The following PDS5A variants were observed in gnomAD, a reference collection of about 807,000 sequenced individuals.
PDS5A encodes the protein PDS5 cohesin associated factor A, also known as sister chromatid cohesion protein PDS5 homolog A.
PDS5A carries 42 observed loss-of-function variants against 167.1 expected under a neutral mutation model. That is an observed-to-expected ratio of 0.25 (90% confidence interval 0.20 to 0.33). PDS5A has a LOEUF of 0.33. Among genes scored for constraint, PDS5A ranks in the 10% least tolerant of loss-of-function variants. The pLI, the probability that PDS5A is intolerant of heterozygous loss-of-function variation, is 1.00. For synonymous variants in PDS5A, 553 were observed against 554.6 expected, an observed-to-expected ratio of 1.00 and a Z score of 0.04; for missense variants, 1,033 against 1,605.9, an observed-to-expected ratio of 0.64 and a Z score of 6.10.
At chr4:39,967,578 C>T (rs751072855) in intron 2 of PDS5A, among the ~76,000 whole-genome samples, 1 of 151,442 alleles carries the variant, frequency 6.6e-6, no homozygotes, top group East Asian at 1.9e-4. Flanking sequence ...ACTCAGGAGG[C>T]GGAAGTTGCA....
intron 21 of PDS5A, among the ~76,000 whole-genome samples, chr4:39,871,635 A>G (rs1326959750): frequency 6.6e-6 from 1 of 152,254 alleles, no homozygotes; most frequent in African/African-American, 2.4e-5. Context: ...ATGATCCAGC[A>G]TATCTGTGTC....
intron 2 of PDS5A, chr4:39,974,049 C>T (rs951070557): frequency 1.0e-5 from 5 of 482,734 alleles, no homozygotes; most frequent in African/African-American, 9.8e-5. Flanking sequence ...TGGCGTGAAC[C>T]CGGGAGGCGG....
chr4:39,920,389 T>TA lies in PDS5A; in HGVS notation c.664_665insT (p.Lys222IlefsTer5). The TA allele has an allele frequency of 6.6e-7, 1 of 1,506,156 alleles. No homozygotes were observed. The highest frequency in any genetic ancestry group is 9.2e-7 in the Non-Finnish European group (1 of 1,090,834). 93.3% of individuals were successfully genotyped at this position (1,506,156 alleles called of 1,614,324 possible). On this transcript the variant is annotated frameshift_variant, in exon 7 of 33. Transcript: ENST00000303538. LOFTEE classifies it high-confidence loss of function. ...CACTTTTGCAAGGTCAAAGGACTGT[T>TA]TATTTAAGTTCTGAAAAATAATAAA...
chr4:39,974,405 CAATA>C, intron 2 of PDS5A: 1 of 356,178 alleles, frequency 2.8e-6, no homozygotes, highest in Non-Finnish European at 5.5e-6. Flanking sequence ...AATTTGAAAA[CAATA>C]AATATTAACG....
chr4:39,962,210 G>A (rs564214845), intron 2 of PDS5A, among the ~76,000 whole-genome samples: 3 of 152,054 alleles, frequency 2.0e-5, no homozygotes, highest in East Asian at 3.9e-4. Flanking sequence ...GACACAGTCC[G>A]CCACGCTCGA....
rs1720512441 is a variant in PDS5A, at chr4:39,876,992, C to T, written c.2153+1G>A. Reference sequence around the variant, plus strand: ...TACCACGGGAGAAAAAATGTACTCACGATCGTATCTGGGGAAGGTCTGTTT... The same window carrying T: ...TACCACGGGAGAAAAAATGTACTCATGATCGTATCTGGGGAAGGTCTGTTT... On this transcript the variant is annotated splice_donor_variant, in intron 19 of 32. Transcript: ENST00000303538. LOFTEE classifies it high-confidence loss of function. The T allele has an allele frequency of 6.2e-7, 1 of 1,604,342 alleles. No homozygotes were observed. The highest frequency in any genetic ancestry group is 8.5e-7 in the Non-Finnish European group (1 of 1,174,968).
rs116133734 is a variant in PDS5A, at chr4:39,827,632, C to T, written c.4011-2144G>A. Among the ~76,000 whole-genome samples, 819 of 152,220 alleles carry T rather than the reference C, an allele frequency of 5.4e-3. 5 individuals carry two copies. Among genetic ancestry groups the T allele is most frequent in the African/African-American group, 0.018 (754 of 41,546 alleles). On this transcript the variant is annotated intron_variant, in intron 32 of 32. Coordinates refer to ENST00000303538, the MANE Select transcript of PDS5A (RefSeq NM_001100399.2). ...TACGAACCCACATGATGGGAGGAAA[C>T]CTTCTCATTATACAAATGAGCACAA...
intron 30 of PDS5A, among the ~76,000 whole-genome samples, chr4:39,844,213 G>A (rs6813097): frequency 0.012 from 1,783 of 152,148 alleles, 39 homozygotes; most frequent in African/African-American, 0.04. Flanking sequence ...GGTGGCTTAC[G>A]CCTGTAATCC....
intron 17 of PDS5A, among the ~76,000 whole-genome samples, chr4:39,887,505 G>A (rs1338082726): frequency 2.0e-5 from 3 of 152,096 alleles, no homozygotes; most frequent in Non-Finnish European, 2.9e-5. Flanking sequence ...TTGAAAGCAG[G>A]TTGCTAGTAT....
intron 7 of PDS5A, among the ~76,000 whole-genome samples, chr4:39,920,019 G>C (rs1029805540): frequency 6.6e-6 from 1 of 151,120 alleles, no homozygotes. Flanking sequence ...TATATAGAGA[G>C]AGACACAGAG....
At chr4:39,941,625 T>TAC (rs1727232236) in intron 2 of PDS5A, among the ~76,000 whole-genome samples, 1 of 152,226 alleles carries the variant, frequency 6.6e-6, no homozygotes, top group Non-Finnish European at 1.5e-5. Context: ...GTCCACCTAA[T>TAC]ACACACAAAC....
chr4:39,961,394 GC>G (rs1195642585), intron 2 of PDS5A, among the ~76,000 whole-genome samples: 1 of 152,062 alleles, frequency 6.6e-6, no homozygotes, highest in African/African-American at 2.4e-5. Flanking sequence ...CTCCTCAGTA[GC>G]TGGGAGGCGC....
intron 32 of PDS5A, among the ~76,000 whole-genome samples, chr4:39,827,950 C>T (rs560404680): frequency 5.3e-5 from 8 of 152,204 alleles, no homozygotes; most frequent in Non-Finnish European, 1.0e-4. Flanking sequence ...TTCACAACAC[C>T]GGGAACTGTT....
At chr4:39,957,654 C>T (rs188029945) in intron 2 of PDS5A, among the ~76,000 whole-genome samples, 3,701 of 151,676 alleles carry the variant, frequency 0.024, 146 homozygotes, top group East Asian at 0.17. Flanking sequence ...GGCGTGGTGG[C>T]GGGCGCCTGT....
intron 26 of PDS5A, among the ~76,000 whole-genome samples, chr4:39,861,669 T>C (rs766797557): frequency 1.7e-4 from 26 of 152,332 alleles, no homozygotes; most frequent in Non-Finnish European, 2.4e-4. Flanking sequence ...TCATAGCTCA[T>C]TGCAGCTCCA....
chr4:39,971,568 T>C (rs1413070151), intron 2 of PDS5A, among the ~76,000 whole-genome samples: 1 of 152,100 alleles, frequency 6.6e-6, no homozygotes, highest in Non-Finnish European at 1.5e-5. Flanking sequence ...TAAGTGATTC[T>C]CATGCCTCAG....
At chr4:39,874,955 G>T (rs1267711475) in intron 19 of PDS5A, among the ~76,000 whole-genome samples, 1 of 152,140 alleles carries the variant, frequency 6.6e-6, no homozygotes, top group Non-Finnish European at 1.5e-5. Flanking sequence ...TTTCCGCATG[G>T]ATTAATTCAA....
chr4:39,917,298 A>T, intron 7 of PDS5A, 110 bp from the exon 8 acceptor site: 1 of 643,418 alleles, frequency 1.6e-6, no homozygotes, highest in East Asian at 3.4e-5. Flanking sequence ...TACATATACA[A>T]TTGAAGGAGG....
Position 39,958,135 on chromosome 4 carries a change from G to A in PDS5A, c.138+18305C>T, listed in dbSNP as rs142005468. On this transcript the variant is annotated intron_variant, in intron 2 of 32. Coordinates refer to ENST00000303538, the MANE Select transcript of PDS5A (RefSeq NM_001100399.2). ...GCAAACTCCCGAGCTCAAGTGATCC[G>A]TCTGCCTTTGCCTCCCAAAGTGCTG... Among the ~76,000 whole-genome samples, 72 of 152,182 alleles carry A rather than the reference G, an allele frequency of 4.7e-4. No homozygotes were observed. The East Asian group carries it at 7.4e-3, about 16-fold the overall frequency.
Sources: gnomAD v4.1 joint callset for allele counts (sites outside exome capture counted in the v4.1 genomes callset) on GRCh38, gnomAD v4.1.1 for gene constraint, MANE v1.5 for transcripts, NCBI Gene and HGNC (gene_info 2026-07-23, HGNC 2026-07-21) for gene names.